The following GLYATL1 variants were observed in gnomAD, a reference collection of about 807,000 sequenced individuals.
GLYATL1 encodes the protein glycine N-acyltransferase-like protein 1.
In GLYATL1, 15 loss-of-function variants were observed where a neutral mutation model predicts 20.0. The observed-to-expected ratio is 0.75, with a 90% CI of 0.50 to 1.15. GLYATL1 has a LOEUF of 1.15. Ranked by LOEUF, GLYATL1 falls within the 50% of genes most tolerant of loss-of-function variation. The pLI is 0.00. For missense variants in GLYATL1, 380 were observed against 368.5 expected, an observed-to-expected ratio of 1.03 and a Z score of -0.26; for synonymous variants, 151 against 131.5, an observed-to-expected ratio of 1.15 and a Z score of -1.01.
At chr11:58,954,992 A>G in intron 5 of GLYATL1, 96 bp downstream of exon 5, 1 of 1,358,212 alleles carries the variant, frequency 7.4e-7, no homozygotes, top group Non-Finnish European at 1.0e-6. Flanking sequence ...TTAGAAATGT[A>G]AATTCACAGA....
intron 1 of GLYATL1, among the ~76,000 whole-genome samples, chr11:58,929,190 T>C (rs1194243885): frequency 6.6e-6 from 1 of 152,232 alleles, no homozygotes; most frequent in Admixed American, 6.5e-5. Context: ...TTTTTTCTAG[T>C]CTTGGGAATG....
intron 4 of GLYATL1, among the ~76,000 whole-genome samples, chr11:58,950,218 G>A (rs1299040553): frequency 6.6e-6 from 1 of 151,512 alleles, no homozygotes; most frequent in East Asian, 1.9e-4. Context: ...GTGAAACCGG[G>A]AGGCGGAGCT....
chr11:58,947,804 A>G, intron 3 of GLYATL1, 54 bp from the exon 4 acceptor site: 3 of 1,200,582 alleles, frequency 2.5e-6, no homozygotes, highest in Non-Finnish European at 3.7e-6. Context: ...TCACAACCAG[A>G]TCCTCATCTC....
chr11:58,931,137 G>GA (rs1377364210), intron 1 of GLYATL1, among the ~76,000 whole-genome samples: 1 of 152,184 alleles, frequency 6.6e-6, no homozygotes, highest in Non-Finnish European at 1.5e-5. Context: ...AGCAGAGTTG[G>GA]AACCTGTTGG....
intron 1 of GLYATL1, among the ~76,000 whole-genome samples, chr11:58,932,535 C>T (rs73483067): frequency 0.023 from 3,479 of 152,274 alleles, 116 homozygotes; most frequent in African/African-American, 0.079. Context: ...CACCAGGAAA[C>T]ATATTCAAAG....
chr11:58,936,400 CT>C (rs1179561392), upstream of GLYATL1, among the ~76,000 whole-genome samples: 1 of 152,242 alleles, frequency 6.6e-6, no homozygotes, highest in African/African-American at 2.4e-5. Flanking sequence ...CATGTGTCCA[CT>C]TCCCAGGACT....
At chr11:58,914,364 T>C (rs1384827125) in intron 1 of GLYATL1, among the ~76,000 whole-genome samples, 1 of 152,202 alleles carries the variant, frequency 6.6e-6, no homozygotes, top group African/African-American at 2.4e-5. Context: ...GACAAGGCTT[T>C]ATTAGGGGCT....
chr11:58,927,837 C>T lies in GLYATL1; in HGVS notation c.-212+8C>T, dbSNP rs1855466885. On this transcript the variant is annotated splice_region_variant and intron_variant, in intron 1 of 7. Transcript: ENST00000317391. ...CTATTGGAGGAAGCTCAGGTAAGAC[C>T]TCCTTTTCCTCTCTGTTAATTCCGC... 2 of 152,150 alleles carry T rather than the reference C, an allele frequency of 1.3e-5. 1 individual carries two copies. The highest frequency in any genetic ancestry group is 2.9e-5 in the Non-Finnish European group (2 of 68,044). 9.4% of individuals were successfully genotyped at this position (152,150 alleles called of 1,614,324 possible). A position where few individuals can be genotyped will look rare whatever the true frequency, so the allele number is the denominator to read the frequency against.
At chr11:58,943,264 C>T in intron 1 of GLYATL1, 3 of 1,531,820 alleles carry the variant, frequency 2.0e-6, no homozygotes, top group Non-Finnish European at 2.6e-6. Context: ...TGGCCAATCC[C>T]AGCAGCCATA....
At chr11:58,929,214 C>T (rs1471791634) in intron 1 of GLYATL1, among the ~76,000 whole-genome samples, 1 of 152,170 alleles carries the variant, frequency 6.6e-6, no homozygotes, top group Non-Finnish European at 1.5e-5. Flanking sequence ...TCAGTCCTAT[C>T]CCATTAAGTA....
At chr11:58,954,727 A>G in intron 4 of GLYATL1, 43 bp from the exon 5 acceptor site, 1 of 1,524,980 alleles carries the variant, frequency 6.6e-7, no homozygotes, top group South Asian at 1.3e-5. Context: ...GAGGTGAAGA[A>G]AAAGTTCAAG....
chr11:58,940,545 T>C (rs528296733), intron 1 of GLYATL1, among the ~76,000 whole-genome samples: 3 of 152,372 alleles, frequency 2.0e-5, no homozygotes, highest in South Asian at 2.1e-4. Context: ...AGAGTGCTCA[T>C]AGATTAAGTA....
At chr11:58,920,616 A>C (rs1267955988) in intron 1 of GLYATL1, among the ~76,000 whole-genome samples, 1 of 152,140 alleles carries the variant, frequency 6.6e-6, no homozygotes, top group Non-Finnish European at 1.5e-5. Context: ...CACAGGACTA[A>C]AGGGGGCTTC....
intron 1 of GLYATL1, chr11:58,942,732 T>A (rs1856253656): frequency 6.6e-6 from 1 of 152,228 alleles, no homozygotes; most frequent in Non-Finnish European, 1.5e-5. Context: ...AGTAGTAATT[T>A]AAATGTATTA....
intron 1 of GLYATL1, among the ~76,000 whole-genome samples, chr11:58,916,640 C>T (rs1302426808): frequency 6.6e-6 from 1 of 152,194 alleles, no homozygotes; most frequent in Non-Finnish European, 1.5e-5. Context: ...GGAATCTGCT[C>T]CCCAGTCAAA....
upstream of GLYATL1, among the ~76,000 whole-genome samples, chr11:58,927,252 A>C (rs1240129907): frequency 6.6e-6 from 1 of 152,210 alleles, no homozygotes; most frequent in Non-Finnish European, 1.5e-5. Flanking sequence ...GGTAGGAGAG[A>C]GATAACAGCA....
chr11:58,921,902 T>A (rs1855317835), intron 1 of GLYATL1, among the ~76,000 whole-genome samples: 1 of 152,198 alleles, frequency 6.6e-6, no homozygotes, highest in Non-Finnish European at 1.5e-5. Context: ...ACGCGCTGAT[T>A]TTCAGCAGCC....
At chr11:58,907,013 T>TA (rs1302405387) in intron 1 of GLYATL1, among the ~76,000 whole-genome samples, 1 of 152,152 alleles carries the variant, frequency 6.6e-6, no homozygotes, top group East Asian at 1.9e-4. Context: ...CAATAAAAGG[T>TA]TGATCTGAGC....
intron 1 of GLYATL1, among the ~76,000 whole-genome samples, chr11:58,907,025 A>G (rs1347224753): frequency 6.6e-6 from 1 of 152,228 alleles, no homozygotes; most frequent in East Asian, 1.9e-4. Flanking sequence ...GATCTGAGCC[A>G]AACTCCTTAA....
Sources: gnomAD v4.1 joint callset for allele counts (sites outside exome capture counted in the v4.1 genomes callset) on GRCh38, gnomAD v4.1.1 for gene constraint, MANE v1.5 for transcripts, NCBI Gene and HGNC (gene_info 2026-07-23, HGNC 2026-07-21) for gene names.